TGIF2: variants seen among roughly 807,000 people sequenced by gnomAD.
The protein encoded by TGIF2 is TGFB induced factor homeobox 2.
Under a neutral mutation model 15.1 loss-of-function variants are expected in TGIF2, and 5 were observed. The ratio of observed to expected loss-of-function variants is 0.33; its 90% CI spans 0.17 to 0.70. TGIF2 has a LOEUF of 0.70. Among genes scored for constraint, TGIF2 ranks in the 30% least tolerant of loss-of-function variants. The pLI is 0.67. For synonymous variants in TGIF2, 131 were observed against 128.9 expected (o/e 1.02, Z -0.11); for missense variants, 264 against 302.5 (o/e 0.87, Z 0.94).
intron 2 of TGIF2, among the ~76,000 whole-genome samples, chr20:36,586,702 C>CA (rs1256446801): frequency 2.2e-5 from 3 of 138,776 alleles, no homozygotes; most frequent in South Asian, 2.2e-4. Flanking sequence ...TTCCCCCCCC[C>CA]CAAAAAAAAA....
intron 2 of TGIF2, among the ~76,000 whole-genome samples, chr20:36,584,464 C>T (rs191797666): frequency 1.3e-4 from 20 of 152,116 alleles, no homozygotes; most frequent in African/African-American, 4.8e-4. Flanking sequence ...ACAGGCAGGA[C>T]CTCAGAAGTA....
rs1173472564 is a variant in TGIF2 at position 36,591,247 on chromosome 20, G to A, written c.530G>A (p.Gly177Asp). 6.2e-7 allele frequency: 1 copy of A among 1,614,166 alleles called. No homozygotes were observed. Among genetic ancestry groups the A allele is most frequent in the Non-Finnish European group, 8.5e-7 (1 of 1,180,028 alleles). Residue 177 changes from glycine to aspartate, a missense_variant, in exon 3 of 3, where the codon GGT (glycine) becomes GAT (aspartate). Transcript: ENST00000373872. The surrounding 1 kb of genome is among the most constrained non-coding windows in gnomAD (Gnocchi z 5.3). ...LTRAEAGSPT[G>D]GLFNTPPPTP... ...AGGGCTGAGGCTGGAAGCCCCACAG[G>A]TGGACTCTTCAACACGCCACCACCC...
intron 2 of TGIF2, among the ~76,000 whole-genome samples, chr20:36,581,307 A>G (rs2038541661): frequency 6.6e-6 from 1 of 152,196 alleles, no homozygotes; most frequent in Non-Finnish European, 1.5e-5. Flanking sequence ...GAGAGGCTCC[A>G]GACACATTCT....
At chr20:36,585,263 T>C (rs1294588664) in intron 2 of TGIF2, among the ~76,000 whole-genome samples, 2 of 151,882 alleles carry the variant, frequency 1.3e-5, no homozygotes, top group African/African-American at 4.8e-5. Flanking sequence ...TTTGGGAGGC[T>C]GAAGCGGGTG....
chr20:36,574,908 G>C (rs1186935098), intron 1 of TGIF2: 1 of 153,798 alleles, frequency 6.5e-6, no homozygotes, highest in Admixed American at 6.5e-5. Context: ...GAAAGTTCGT[G>C]CGGGAGTGGC....
chr20:36,583,384 G>C (rs2038584743), intron 2 of TGIF2, among the ~76,000 whole-genome samples: 1 of 151,832 alleles, frequency 6.6e-6, no homozygotes, highest in Non-Finnish European at 1.5e-5. Context: ...CTTGAGCCCA[G>C]GAGTTCAAGG....
rs997098153 is a variant in TGIF2 at position 36,591,095 on chromosome 20, C to T, written c.378C>T (p.Ser126=). ...TCCCAGCCCCCACCAATGTGCTCTC[C>T]CTGTCTGTGTGCTCCATGCCGCTTC... ...VSVPAPTNVL[S]LSVCSMPLHS... Residue 126 remains serine (S), a synonymous_variant, in exon 3 of 3, where the codon TCC becomes TCT. Coordinates refer to ENST00000373872, the MANE Select transcript of TGIF2 (RefSeq NM_021809.7). The surrounding 1 kb of genome is among the most constrained non-coding windows in gnomAD (Gnocchi z 5.3). 4.4e-6 allele frequency: 7 copies of T among 1,604,272 alleles called. No individual in the cohort carries two copies. In the Middle Eastern group the frequency reaches 6.6e-4, roughly 152 times the overall value.
intron 2 of TGIF2, among the ~76,000 whole-genome samples, chr20:36,588,760 G>T: frequency 6.6e-6 from 1 of 152,202 alleles, no homozygotes; most frequent in East Asian, 1.9e-4. Flanking sequence ...GCCTGGTGCT[G>T]TCTTTGAGTC....
chr20:36,577,189 ATTTTATTT>A (rs1190224841), intron 1 of TGIF2, among the ~76,000 whole-genome samples: 7 of 151,278 alleles, frequency 4.6e-5, no homozygotes, highest in South Asian at 2.1e-4. Context: ...TTTTTATTTT[ATTTTATTT>A]TTTTATTTTT....
At chr20:36,582,979 A>G (rs912618169) in intron 2 of TGIF2, among the ~76,000 whole-genome samples, 2 of 151,974 alleles carry the variant, frequency 1.3e-5, no homozygotes, top group African/African-American at 2.4e-5. Flanking sequence ...TCACTCCCCA[A>G]CTTAAAACCC....
At chr20:36,579,061 CACTT>C in intron 2 of TGIF2, 95 bp downstream of exon 2, 1 of 1,470,192 alleles carries the variant, frequency 6.8e-7, no homozygotes, top group Non-Finnish European at 9.1e-7. Context: ...TTGGGCCACT[CACTT>C]TCACTGTCTG....
chr20:36,573,520 A>G (rs1469870807), upstream of TGIF2: 4 of 149,934 alleles, frequency 2.7e-5, no homozygotes, highest in East Asian at 8.0e-4. Context: ...CGCGCTCCGC[A>G]CAAAGTTTGT....
intron 2 of TGIF2, among the ~76,000 whole-genome samples, chr20:36,579,570 A>C (rs1261445169): frequency 6.6e-6 from 1 of 152,186 alleles, no homozygotes; most frequent in African/African-American, 2.4e-5. Flanking sequence ...GAAGGCATCG[A>C]GCATCTAGGA....
At chr20:36,573,883 TTG>T (rs1600762875) in intron 1 of TGIF2, 138 bp downstream of exon 1, 1 of 148,430 alleles carries the variant, frequency 6.7e-6, no homozygotes, top group South Asian at 2.1e-4. Context: ...TCGGGGGTGT[TTG>T]TGAGTCCCGA....
intron 1 of TGIF2, among the ~76,000 whole-genome samples, chr20:36,578,028 T>G (rs2038467335): frequency 6.6e-6 from 1 of 152,208 alleles, no homozygotes; most frequent in South Asian, 2.1e-4. Context: ...GGCAGCTTTC[T>G]TGATCTCTGT....
rs2038763130 is a variant in TGIF2, at chr20:36,591,175, C to G, written c.458C>G (p.Ser153Cys). The G allele has an allele frequency of 6.2e-7, 1 of 1,614,074 alleles. No homozygotes were observed. Among genetic ancestry groups the G allele is most frequent in the African/African-American group, 1.3e-5 (1 of 74,936 alleles). The stretch of plus-strand genomic sequence containing the variant: ...CCTTTCCCACGTGGGGAGCTGGAGT[C>G]TCCCAAGCCCCTGGTGACCCCTGGT... ...AAPFPRGELE[S>C]PKPLVTPGST... The change falls in exon 3 of 3, where the codon TCT becomes TGT. Residue 153 changes from serine (S) to cysteine (C), a missense_variant. By Grantham distance (112) the Ser-to-Cys change is moderately radical. Transcript: ENST00000373872. This position sits in a 1 kb window ranked among gnomAD's most constrained non-coding sequence, Gnocchi z 5.3.
At chr20:36,581,430 T>C (rs1321854673) in intron 2 of TGIF2, among the ~76,000 whole-genome samples, 1 of 151,964 alleles carries the variant, frequency 6.6e-6, no homozygotes, top group Non-Finnish European at 1.5e-5. Flanking sequence ...CCAAATCTGA[T>C]AGGGCCAGGC....
intron 2 of TGIF2, among the ~76,000 whole-genome samples, chr20:36,590,427 T>C (rs1273090281): frequency 2.0e-5 from 3 of 152,234 alleles, no homozygotes; most frequent in African/African-American, 7.2e-5. Context: ...CTAATTTTTG[T>C]ATTTTTAGTA....
At chr20:36,585,641 A>G (rs1273969944) in intron 2 of TGIF2, among the ~76,000 whole-genome samples, 1 of 152,100 alleles carries the variant, frequency 6.6e-6, no homozygotes, top group Non-Finnish European at 1.5e-5. Flanking sequence ...ATTCATTAGC[A>G]AGTCAATGAC....
Sources: allele counts gnomAD v4.1 joint callset (sites outside exome capture counted in the v4.1 genomes callset), GRCh38; gene constraint gnomAD v4.1.1; non-coding constraint Gnocchi (gnomAD v3.1); transcripts MANE v1.5; gene names NCBI Gene and HGNC (gene_info 2026-07-23, HGNC 2026-07-21).